UVRAG: variants seen among roughly 807,000 people sequenced by gnomAD.
UVRAG encodes the protein UV radiation resistance associated, also known as UV radiation resistance-associated gene protein.
In UVRAG, 19 loss-of-function variants were observed where a neutral mutation model predicts 78.0. That is an observed-to-expected ratio of 0.24 (90% confidence interval 0.17 to 0.36). UVRAG has a LOEUF of 0.36. UVRAG is among the 10% of genes least tolerant of loss of function. The pLI is 1.00. For synonymous variants in UVRAG, 323 were observed against 324.6 expected, an observed-to-expected ratio of 1.00 and a Z score of 0.05; for missense variants, 740 against 853.8, an observed-to-expected ratio of 0.87 and a Z score of 1.66.
intron 7 of UVRAG, among the ~76,000 whole-genome samples, chr11:75,970,131 A>G (rs577632098): frequency 2.6e-5 from 4 of 152,350 alleles, no homozygotes; most frequent in African/African-American, 9.6e-5. Context: ...TGCAGTAATT[A>G]TGTGTGTGCA....
intron 14 of UVRAG, among the ~76,000 whole-genome samples, chr11:76,140,413 A>G (rs911430864): frequency 1.3e-5 from 2 of 152,072 alleles, no homozygotes; most frequent in Non-Finnish European, 2.9e-5. Flanking sequence ...CAGCCTGTCC[A>G]GTTACTTCAC....
intron 1 of UVRAG, among the ~76,000 whole-genome samples, chr11:75,848,004 C>T (rs1197609063): frequency 2.0e-5 from 3 of 146,466 alleles, no homozygotes; most frequent in Non-Finnish European, 4.5e-5. Flanking sequence ...TTTATTAGCA[C>T]GGGCAACATA....
At chr11:75,828,180 T>G (rs1048785162) in intron 1 of UVRAG, among the ~76,000 whole-genome samples, 4 of 152,176 alleles carry the variant, frequency 2.6e-5, no homozygotes, top group Non-Finnish European at 4.4e-5. Flanking sequence ...TATTTCAGAC[T>G]TGTTTTCATG....
intron 2 of UVRAG, among the ~76,000 whole-genome samples, chr11:75,855,458 T>C (rs1488339731): frequency 6.6e-6 from 1 of 152,260 alleles, no homozygotes; most frequent in Non-Finnish European, 1.5e-5. Context: ...ATGTCATGGT[T>C]GAGTGAAGCC....
chr11:75,826,349 G>T (rs970242318), intron 1 of UVRAG, among the ~76,000 whole-genome samples: 4 of 151,390 alleles, frequency 2.6e-5, no homozygotes, highest in African/African-American at 4.9e-5. Flanking sequence ...TAGAGACGGG[G>T]TTTTACCATG....
chr11:75,877,740 C>G (rs1290579286), intron 3 of UVRAG, among the ~76,000 whole-genome samples: 1 of 141,114 alleles, frequency 7.1e-6, no homozygotes, highest in Non-Finnish European at 1.6e-5. Flanking sequence ...GGGGGGCTGA[C>G]CCCCCCACTT....
chr11:76,070,459 A>G (rs1433063414), intron 13 of UVRAG, among the ~76,000 whole-genome samples: 4 of 152,086 alleles, frequency 2.6e-5, no homozygotes, highest in Non-Finnish European at 5.9e-5. Context: ...TACAGTTTTT[A>G]TCACACACAC....
chr11:75,957,577 A>T (rs1281849438), intron 6 of UVRAG, among the ~76,000 whole-genome samples: 1 of 152,142 alleles, frequency 6.6e-6, no homozygotes, highest in Non-Finnish European at 1.5e-5. Context: ...TGTCAAAAAA[A>T]AATCCTTTGG....
chr11:75,877,954 T>C (rs1269918813), intron 3 of UVRAG, among the ~76,000 whole-genome samples: 8 of 130,894 alleles, frequency 6.1e-5, no homozygotes, highest in African/African-American at 2.4e-4. Context: ...GCTGGCCTGG[T>C]GGGGGCTGAC....
chr11:75,977,566 G>C (rs1043325495), intron 7 of UVRAG, among the ~76,000 whole-genome samples: 3 of 152,288 alleles, frequency 2.0e-5, no homozygotes, highest in Middle Eastern at 3.4e-3. Flanking sequence ...TGTATTGGGT[G>C]CATATATATT....
At chr11:75,846,476 C>G (rs1034052524) in intron 1 of UVRAG, among the ~76,000 whole-genome samples, 10 of 152,142 alleles carry the variant, frequency 6.6e-5, no homozygotes, top group Non-Finnish European at 1.2e-4. Flanking sequence ...AACCCAAGAT[C>G]ACCAAAATTT....
chr11:75,908,144 C>G (rs1947657854), intron 5 of UVRAG, among the ~76,000 whole-genome samples: 1 of 152,178 alleles, frequency 6.6e-6, no homozygotes, highest in Non-Finnish European at 1.5e-5. Context: ...TTTGACTACT[C>G]TAGGTACCTC....
chr11:76,003,787 A>C (rs1949869127), intron 8 of UVRAG, among the ~76,000 whole-genome samples: 1 of 152,180 alleles, frequency 6.6e-6, no homozygotes, highest in Non-Finnish European at 1.5e-5. Context: ...TCTTAGGCGT[A>C]TACTCTTAGG....
At chr11:75,888,060 G>C (rs1947130887) in intron 4 of UVRAG, among the ~76,000 whole-genome samples, 1 of 152,180 alleles carries the variant, frequency 6.6e-6, no homozygotes, top group African/African-American at 2.4e-5. Flanking sequence ...TTAGGGATTG[G>C]ATACTATTGC....
At position 76,027,695 on chromosome 11, in the gene UVRAG, C is replaced by T. The variant is rs568843236; in HGVS notation, c.1226+10715C>T. On this transcript the variant is annotated intron_variant, in intron 12 of 14. Transcript: ENST00000356136. Reference sequence around the variant, plus strand: ...AATTTTGCAACTACTGTTATGTATACGTTGAGCTTTGCAATAGGAATCCTA... The same window carrying T: ...AATTTTGCAACTACTGTTATGTATATGTTGAGCTTTGCAATAGGAATCCTA... 7.2e-5 allele frequency among the ~76,000 whole-genome samples: 11 copies of T among 152,162 alleles called. No individual in the cohort carries two copies. In the South Asian group the frequency reaches 1.2e-3, roughly 17 times the overall value.
chr11:75,860,125 A>G (rs1469331044), intron 2 of UVRAG, among the ~76,000 whole-genome samples: 1 of 152,070 alleles, frequency 6.6e-6, no homozygotes, highest in East Asian at 1.9e-4. Context: ...TTGTATTTTT[A>G]GTAGAGACAG....
intron 9 of UVRAG, among the ~76,000 whole-genome samples, chr11:76,007,329 G>T (rs988930892): frequency 6.6e-6 from 1 of 152,070 alleles, no homozygotes; most frequent in Non-Finnish European, 1.5e-5. Context: ...ACACACAGTA[G>T]CACTCAGTAT....
At chr11:76,117,656 C>G (rs1952205988) in intron 14 of UVRAG, among the ~76,000 whole-genome samples, 1 of 152,286 alleles carries the variant, frequency 6.6e-6, no homozygotes, top group African/African-American at 2.4e-5. Context: ...TCCTCATAAT[C>G]ACAATGTAAA....
rs529245117 is a variant in UVRAG, at chr11:75,902,825, C to T, written c.508-9129C>T. On this transcript the variant is annotated intron_variant, in intron 5 of 14. Coordinates refer to ENST00000356136, the MANE Select transcript of UVRAG (RefSeq NM_003369.4). ...ACATTCCCAAAGGGCTGGGTCACTG[C>T]AGTAGTTTCCTGGCGGACCTATAGA... Among the ~76,000 whole-genome samples, 11 of 152,312 alleles carry T rather than the reference C, an allele frequency of 7.2e-5. No individual in the cohort carries two copies. In the East Asian group the frequency reaches 1.9e-3, roughly 27 times the overall value.
Sources: allele counts gnomAD v4.1 joint callset (sites outside exome capture counted in the v4.1 genomes callset), GRCh38; gene constraint gnomAD v4.1.1; transcripts MANE v1.5; gene names NCBI Gene and HGNC (gene_info 2026-07-23, HGNC 2026-07-21).